The following PAX7 variants were observed in gnomAD, a reference collection of about 807,000 sequenced individuals.
The protein encoded by PAX7 is paired box protein Pax-7.
Under a neutral mutation model 50.7 loss-of-function variants are expected in PAX7, and 18 were observed. That is an observed-to-expected ratio of 0.36 (90% CI 0.25 to 0.53). The LOEUF (loss-of-function observed/expected upper bound fraction) is 0.53, where lower values mean the gene tolerates loss of function less well. Ranked by LOEUF, PAX7 falls within the 20% of genes least tolerant of loss-of-function variation. The probability of loss-of-function intolerance (pLI) is 0.93; values close to 1 mark genes in which losing one functional copy is unlikely to be tolerated. For synonymous variants in PAX7, 310 were observed against 290.4 expected (o/e 1.07, Z -0.69); for missense variants, 644 against 702.9 (o/e 0.92, Z 0.95).
Position 18,703,295 on chromosome 1 carries a change from A to G in PAX7, c.1154A>G (p.Gln385Arg). ...CCGGTCAGCAACGGCCTGTCTCCTC[A>G]GGTAGGTGGTCTCAGCCCAGCACCC... is the stretch of plus-strand genomic sequence containing the variant. ...MNPVSNGLSP[Q>R]VMSILGNPSA... Residue 385 changes from glutamine (Q) to arginine (R), a missense_variant and splice_region_variant, in exon 7 of 9, where the codon CAG (glutamine) becomes CGG (arginine). Transcript: ENST00000420770. 6.2e-7 allele frequency: 1 copy of G among 1,613,626 alleles called. No individual in the cohort carries two copies. The highest frequency in any genetic ancestry group is 8.5e-7 in the Non-Finnish European group (1 of 1,179,890).
chr1:18,691,174 T>C (rs2100294571), intron 4 of PAX7, among the ~76,000 whole-genome samples: 1 of 152,324 alleles, frequency 6.6e-6, no homozygotes, highest in South Asian at 2.1e-4. Flanking sequence ...AGGTTGGTTC[T>C]TACTGTGTTG....
chr1:18,694,770 A>G (rs1002027859), intron 5 of PAX7, among the ~76,000 whole-genome samples: 4 of 152,190 alleles, frequency 2.6e-5, no homozygotes, highest in Non-Finnish European at 5.9e-5. Context: ...ATGGAACTCA[A>G]CAATTACTAA....
intron 4 of PAX7, among the ~76,000 whole-genome samples, chr1:18,664,642 G>A (rs909945407): frequency 3.3e-5 from 5 of 152,128 alleles, no homozygotes; most frequent in Non-Finnish European, 7.4e-5. Context: ...GATGACATCC[G>A]TTGCTCAGAG....
intron 4 of PAX7, among the ~76,000 whole-genome samples, chr1:18,684,078 G>T (rs932667417): frequency 1.3e-5 from 2 of 152,244 alleles, no homozygotes; most frequent in African/African-American, 4.8e-5. Flanking sequence ...GCTGCAAACT[G>T]CAGGGGTTCA....
At chr1:18,691,480 T>G (rs1249945656) in intron 4 of PAX7, among the ~76,000 whole-genome samples, 2 of 152,124 alleles carry the variant, frequency 1.3e-5, no homozygotes, top group Admixed American at 6.5e-5. Context: ...TTTGTTGTTG[T>G]TTGTTTGTTT....
At chr1:18,719,657 C>T (rs1002403702) in intron 7 of PAX7, among the ~76,000 whole-genome samples, 3 of 152,240 alleles carry the variant, frequency 2.0e-5, no homozygotes, top group Admixed American at 6.5e-5. Flanking sequence ...CGGCAAGGGG[C>T]TCCCTTCCCT....
chr1:18,728,865 C>CA (rs58456557), intron 7 of PAX7, among the ~76,000 whole-genome samples: 6,117 of 141,400 alleles, frequency 0.043, 179 homozygotes, highest in East Asian at 0.1. Flanking sequence ...AACTCCGTCT[C>CA]AAAAAAAAAA....
intron 4 of PAX7, among the ~76,000 whole-genome samples, chr1:18,672,802 T>A (rs961774798): frequency 8.6e-5 from 13 of 151,934 alleles, no homozygotes; most frequent in Non-Finnish European, 1.5e-5. Flanking sequence ...GAGGGGGGTT[T>A]CATCAGGTTG....
At chr1:18,738,205 A>G (rs905209830) in intron 8 of PAX7, among the ~76,000 whole-genome samples, 9 of 152,126 alleles carry the variant, frequency 5.9e-5, no homozygotes, top group African/African-American at 2.2e-4. Context: ...AGCAGGGTGC[A>G]CGCATGTGCA....
At chr1:18,704,465 C>T (rs1325916470) in intron 7 of PAX7, among the ~76,000 whole-genome samples, 5 of 152,036 alleles carry the variant, frequency 3.3e-5, no homozygotes, top group Admixed American at 1.3e-4. Flanking sequence ...TACAGCAATA[C>T]AAAAATTAGC....
At chr1:18,649,855 A>G (rs2088404790) in intron 4 of PAX7, among the ~76,000 whole-genome samples, 1 of 152,226 alleles carries the variant, frequency 6.6e-6, no homozygotes, top group Non-Finnish European at 1.5e-5. Flanking sequence ...CTGCTGTGTC[A>G]TTCTGGAAGA....
chr1:18,684,251 C>A (rs2088942189), intron 4 of PAX7, among the ~76,000 whole-genome samples: 1 of 152,156 alleles, frequency 6.6e-6, no homozygotes, highest in Admixed American at 6.5e-5. Flanking sequence ...ATCTCCTGGC[C>A]TCAGTGCTGG....
At chr1:18,723,726 C>T (rs1206421421) in intron 7 of PAX7, among the ~76,000 whole-genome samples, 1 of 152,160 alleles carries the variant, frequency 6.6e-6, no homozygotes, top group African/African-American at 2.4e-5. Flanking sequence ...GCGGGGGGAC[C>T]CAAATGCTTT....
intron 8 of PAX7, among the ~76,000 whole-genome samples, chr1:18,742,381 C>T (rs1931196794): frequency 6.6e-6 from 1 of 152,206 alleles, no homozygotes; most frequent in Non-Finnish European, 1.5e-5. Context: ...TGGTCTCAAT[C>T]TCCTGACCTC....
At chr1:18,739,730 C>T (rs1013103322) in intron 8 of PAX7, among the ~76,000 whole-genome samples, 2 of 152,214 alleles carry the variant, frequency 1.3e-5, no homozygotes, top group African/African-American at 4.8e-5. Context: ...CCGTGGGCTT[C>T]TCATCTTGCC....
At chr1:18,722,557 C>CG (rs1446867863) in intron 7 of PAX7, among the ~76,000 whole-genome samples, 5 of 152,154 alleles carry the variant, frequency 3.3e-5, no homozygotes, top group Admixed American at 6.5e-5. Context: ...GTGTGGGACG[C>CG]GGGGGGCTGC....
chr1:18,637,752 C>A (rs116001185), intron 4 of PAX7, among the ~76,000 whole-genome samples: 2,568 of 152,390 alleles, frequency 0.017, 71 homozygotes, highest in African/African-American at 0.058. Context: ...CGTGTGACAG[C>A]GGCCTGGAGC....
Position 18,700,505 on chromosome 1 carries a change from G to T in PAX7, c.787-148G>T, listed in dbSNP as rs1163500106. 3.3e-6 allele frequency: 2 copies of T among 602,784 alleles called. No individual in the cohort carries two copies. The highest frequency in any genetic ancestry group is 5.3e-6 in the Non-Finnish European group (2 of 375,856). The allele number at this position is 602,784 out of a possible 1,614,324, so 37.3% of individuals were successfully genotyped here. Reference sequence around the variant, plus strand: ...CATACCTATGAAATCACTCTGCAAAGCGTCCTGTGCTGCACAATGCCGGGG... The same window carrying T: ...CATACCTATGAAATCACTCTGCAAATCGTCCTGTGCTGCACAATGCCGGGG... On this transcript the variant is annotated intron_variant, in intron 5 of 8. Coordinates refer to ENST00000420770, the MANE Select transcript of PAX7 (RefSeq NM_001135254.2). The surrounding 1 kb of genome is among the most constrained non-coding windows in gnomAD (Gnocchi z 4.8).
chr1:18,686,448 T>A (rs998595002), intron 4 of PAX7, among the ~76,000 whole-genome samples: 26 of 152,174 alleles, frequency 1.7e-4, no homozygotes, highest in African/African-American at 6.0e-4. Flanking sequence ...GCTCCCCTAC[T>A]GCGTACCCCG....
Sources: gnomAD v4.1 joint callset for allele counts (sites outside exome capture counted in the v4.1 genomes callset) on GRCh38, gnomAD v4.1.1 for gene constraint, Gnocchi (gnomAD v3.1) non-coding constraint, MANE v1.5 for transcripts, NCBI Gene and HGNC (gene_info 2026-07-23, HGNC 2026-07-21) for gene names.